Variants in PRKG1 observed in about 807,000 individuals in gnomAD.
The protein encoded by PRKG1 is protein kinase cGMP-dependent 1.
In PRKG1, 35 loss-of-function variants were observed where a neutral mutation model predicts 88.1. That is an observed-to-expected ratio of 0.40 (90% CI 0.30 to 0.53). The LOEUF is 0.53. PRKG1 is among the 20% of genes least tolerant of loss of function. The pLI, the probability that PRKG1 is intolerant of heterozygous loss-of-function variation, is 0.59. For synonymous variants in PRKG1, 303 were observed against 292.5 expected (o/e 1.04, Z -0.37); for missense variants, 540 against 839.8 (o/e 0.64, Z 4.41).
intron 2 of PRKG1, among the ~76,000 whole-genome samples, chr10:51,317,284 T>C (rs549375517): frequency 6.6e-6 from 1 of 152,200 alleles, no homozygotes; most frequent in Non-Finnish European, 1.5e-5. Flanking sequence ...CTACATACTA[T>C]AGATATTTTA....
chr10:51,525,129 A>C (rs1412180154), intron 3 of PRKG1, among the ~76,000 whole-genome samples: 2 of 151,846 alleles, frequency 1.3e-5, no homozygotes, highest in Non-Finnish European at 2.9e-5. Flanking sequence ...CGAGAGAGAC[A>C]GAGACAGAGA....
intron 3 of PRKG1, among the ~76,000 whole-genome samples, chr10:51,578,215 T>C (rs898333514): frequency 4.6e-5 from 7 of 152,124 alleles, no homozygotes; most frequent in African/African-American, 1.7e-4. Context: ...TATTGGTAAA[T>C]AGCAATCCTT....
chr10:51,097,738 C>T (rs1844570012), intron 1 of PRKG1, among the ~76,000 whole-genome samples: 1 of 152,150 alleles, frequency 6.6e-6, no homozygotes, highest in African/African-American at 2.4e-5. Context: ...AGATTACCCT[C>T]CTGATAGACA....
intron 10 of PRKG1, 43 bp downstream of exon 10, chr10:52,251,709 C>A: frequency 6.7e-7 from 1 of 1,487,396 alleles, no homozygotes; most frequent in Non-Finnish European, 9.3e-7. Context: ...CCTCTGCTTC[C>A]TTTTTAATTT....
At chr10:52,183,314 A>G (rs2132733789) in intron 9 of PRKG1, among the ~76,000 whole-genome samples, 1 of 152,324 alleles carries the variant, frequency 6.6e-6, no homozygotes, top group East Asian at 1.9e-4. Context: ...CATTTATGCA[A>G]GAAAGTGGGT....
intron 2 of PRKG1, among the ~76,000 whole-genome samples, chr10:51,261,104 A>G (rs1186543631): frequency 6.6e-6 from 1 of 152,216 alleles, no homozygotes; most frequent in East Asian, 1.9e-4. Context: ...TTGGAATCCC[A>G]AAGGAAGATA....
intron 1 of PRKG1, among the ~76,000 whole-genome samples, chr10:51,012,872 T>G (rs1199477933): frequency 6.6e-6 from 1 of 152,208 alleles, no homozygotes; most frequent in African/African-American, 2.4e-5. Context: ...TTTTCTCAGG[T>G]GGCATTTAAA....
intron 2 of PRKG1, among the ~76,000 whole-genome samples, chr10:51,220,249 C>A (rs967074745): frequency 1.3e-5 from 2 of 152,122 alleles, no homozygotes; most frequent in African/African-American, 4.8e-5. Flanking sequence ...CTGTCAACAG[C>A]CTGAAAGAGC....
At chr10:51,842,446 G>C (rs1170723285) in intron 4 of PRKG1, among the ~76,000 whole-genome samples, 3 of 152,186 alleles carry the variant, frequency 2.0e-5, no homozygotes, top group Non-Finnish European at 4.4e-5. Context: ...TGGTGGCAAA[G>C]AAGACCCTCC....
At chr10:52,276,222 T>C (rs578252408) in intron 12 of PRKG1, among the ~76,000 whole-genome samples, 1 of 152,254 alleles carries the variant, frequency 6.6e-6, no homozygotes, top group Non-Finnish European at 1.5e-5. Context: ...CAGTACTGCG[T>C]TGAAGAGGAG....
chr10:51,536,102 G>A (rs1198659854), intron 3 of PRKG1, among the ~76,000 whole-genome samples: 2 of 152,042 alleles, frequency 1.3e-5, no homozygotes, highest in Non-Finnish European at 2.9e-5. Flanking sequence ...GGTCATAGGG[G>A]GTATGATACT....
chr10:51,938,595 A>G (rs1321574780), intron 5 of PRKG1, among the ~76,000 whole-genome samples: 1 of 151,968 alleles, frequency 6.6e-6, no homozygotes, highest in Non-Finnish European at 1.5e-5. Flanking sequence ...ATCCTAATAC[A>G]TATGTCATTT....
At chr10:51,892,227 T>G (rs2132909670) in intron 4 of PRKG1, among the ~76,000 whole-genome samples, 1 of 152,330 alleles carries the variant, frequency 6.6e-6, no homozygotes, top group East Asian at 1.9e-4. Context: ...CTCAGTGTTT[T>G]TAAATTTCTT....
chr10:52,117,204 G>GTGT (rs1847710688), intron 7 of PRKG1, among the ~76,000 whole-genome samples: 1 of 149,566 alleles, frequency 6.7e-6, no homozygotes, highest in African/African-American at 2.5e-5. Flanking sequence ...GTGTGTGTAT[G>GTGT]ATTGGTAGCT....
chr10:51,865,202 C>T (rs1318836219), intron 4 of PRKG1, among the ~76,000 whole-genome samples: 1 of 152,044 alleles, frequency 6.6e-6, no homozygotes, highest in African/African-American at 2.4e-5. Context: ...TGCTATTGTG[C>T]TGTATGTATA....
intron 1 of PRKG1, among the ~76,000 whole-genome samples, chr10:51,078,859 G>A (rs529415256): frequency 4.3e-4 from 65 of 152,014 alleles, no homozygotes; most frequent in African/African-American, 1.3e-3. Flanking sequence ...CTCATGATCC[G>A]CCTGCCTTGG....
intron 2 of PRKG1, among the ~76,000 whole-genome samples, chr10:51,313,468 C>A (rs894594271): frequency 6.6e-5 from 10 of 152,100 alleles, no homozygotes; most frequent in African/African-American, 2.4e-4. Flanking sequence ...AAAGATTAGA[C>A]CTCATTATCT....
At chr10:51,003,415 A>C (rs546394304) in intron 1 of PRKG1, among the ~76,000 whole-genome samples, 5 of 152,308 alleles carry the variant, frequency 3.3e-5, no homozygotes, top group Admixed American at 2.6e-4. Context: ...GTCCACACAA[A>C]AGGAGACAGG....
intron 2 of PRKG1, among the ~76,000 whole-genome samples, chr10:51,407,977 T>C (rs1463342391): frequency 1.4e-5 from 2 of 147,220 alleles, no homozygotes; most frequent in Non-Finnish European, 3.0e-5. Flanking sequence ...TTATGTCTCC[T>C]GGTGGCAGCT....
Sources: allele counts gnomAD v4.1 joint callset (sites outside exome capture counted in the v4.1 genomes callset), GRCh38; gene constraint gnomAD v4.1.1; transcripts MANE v1.5; gene names NCBI Gene and HGNC (gene_info 2026-07-23, HGNC 2026-07-21).